RSU1: variants seen among roughly 807,000 people sequenced by gnomAD.
RSU1 encodes the protein Ras suppressor protein 1, also known as rsu-1.
A neutral mutation model predicts 31.1 loss-of-function variants in RSU1; 26 were observed. The ratio of observed to expected loss-of-function variants is 0.84; its 90% confidence interval spans 0.61 to 1.16. RSU1 has a LOEUF of 1.16. Ranked by LOEUF, RSU1 falls within the 50% of genes most tolerant of loss-of-function variation. RSU1 has a pLI of 0.00. For missense variants in RSU1, 320 were observed against 339.1 expected (o/e 0.94, Z 0.44); for synonymous variants, 164 against 136.3 (o/e 1.20, Z -1.41).
intron 7 of RSU1, among the ~76,000 whole-genome samples, chr10:16,708,312 T>C (rs1442664020): frequency 1.3e-5 from 2 of 152,076 alleles, no homozygotes; most frequent in Non-Finnish European, 2.9e-5. Flanking sequence ...AGTAAATATA[T>C]TTATTATTTA....
intron 8 of RSU1, among the ~76,000 whole-genome samples, chr10:16,647,671 A>T (rs1834597240): frequency 1.3e-5 from 2 of 152,068 alleles, no homozygotes; most frequent in Admixed American, 1.3e-4. Context: ...GGGCTGGGGG[A>T]AGAGAAGTTG....
chr10:16,753,279 G>A (rs1262425567), intron 5 of RSU1, among the ~76,000 whole-genome samples: 1 of 152,194 alleles, frequency 6.6e-6, no homozygotes, highest in Admixed American at 6.5e-5. Flanking sequence ...CACATTTTCA[G>A]AAAAGATTGC....
At chr10:16,684,968 C>A (rs1835412194) in intron 8 of RSU1, among the ~76,000 whole-genome samples, 1 of 152,078 alleles carries the variant, frequency 6.6e-6, no homozygotes, top group Admixed American at 6.6e-5. Flanking sequence ...ATTATTTAGG[C>A]CGGGTATGGT....
chr10:16,657,708 A>T (rs1834812030), intron 8 of RSU1, among the ~76,000 whole-genome samples: 1 of 152,118 alleles, frequency 6.6e-6, no homozygotes, highest in Non-Finnish European at 1.5e-5. Flanking sequence ...CTGTAATCCA[A>T]AGGGCCAGGC....
At chr10:16,750,597 C>T (rs1181324318) in intron 7 of RSU1, among the ~76,000 whole-genome samples, 1 of 152,066 alleles carries the variant, frequency 6.6e-6, no homozygotes, top group Non-Finnish European at 1.5e-5. Context: ...TAATATCCTA[C>T]GTTGCCTCAC....
chr10:16,705,488 T>G (rs778978998), intron 7 of RSU1, among the ~76,000 whole-genome samples: 1 of 152,276 alleles, frequency 6.6e-6, no homozygotes. Flanking sequence ...TTTTTCCCCA[T>G]GCATTTTATT....
At chr10:16,702,598 T>C (rs568178135) in intron 7 of RSU1, among the ~76,000 whole-genome samples, 1 of 152,358 alleles carries the variant, frequency 6.6e-6, no homozygotes, top group Non-Finnish European at 1.5e-5. Flanking sequence ...CCATGGGAGC[T>C]GTAGCCCCTT....
chr10:16,652,099 C>T (rs1018327228), intron 8 of RSU1, among the ~76,000 whole-genome samples: 4 of 151,956 alleles, frequency 2.6e-5, no homozygotes, highest in Admixed American at 2.6e-4. Context: ...TCAGAGACAA[C>T]ACTAAAATGC....
At chr10:16,803,679 CA>C (rs1364890248) in intron 2 of RSU1, among the ~76,000 whole-genome samples, 1 of 152,146 alleles carries the variant, frequency 6.6e-6, no homozygotes, top group Non-Finnish European at 1.5e-5. Context: ...TAGACCCACA[CA>C]AATATAATCA....
intron 7 of RSU1, among the ~76,000 whole-genome samples, chr10:16,719,751 T>C (rs1422826769): frequency 6.6e-6 from 1 of 152,262 alleles, no homozygotes; most frequent in Admixed American, 6.5e-5. Context: ...TCTGCATCAA[T>C]GGCTGCTATG....
chr10:16,755,226 G>T (rs1368444047), intron 4 of RSU1, among the ~76,000 whole-genome samples: 1 of 152,010 alleles, frequency 6.6e-6, no homozygotes, highest in African/African-American at 2.4e-5. Context: ...AGGCTCAAGC[G>T]ATCCTTCCAC....
At chr10:16,816,770 C>A (rs1054197454) in intron 2 of RSU1, among the ~76,000 whole-genome samples, 2 of 152,184 alleles carry the variant, frequency 1.3e-5, no homozygotes, top group Admixed American at 1.3e-4. Context: ...TGATTCTCAT[C>A]GTGGACTCTC....
At chr10:16,638,746 C>T (rs772682156) in intron 8 of RSU1, among the ~76,000 whole-genome samples, 154 of 152,248 alleles carry the variant, frequency 1.0e-3, no homozygotes, top group Non-Finnish European at 1.8e-3. Flanking sequence ...TGCGAGGAGG[C>T]CTGGCGGGAA....
At chr10:16,765,609 C>G (rs1400395850) in intron 3 of RSU1, among the ~76,000 whole-genome samples, 1 of 152,198 alleles carries the variant, frequency 6.6e-6, no homozygotes, top group Non-Finnish European at 1.5e-5. Context: ...TTTCCATAGA[C>G]TGTAATTCAT....
intron 8 of RSU1, among the ~76,000 whole-genome samples, chr10:16,686,553 T>C (rs781637167): frequency 6.6e-6 from 1 of 152,190 alleles, no homozygotes; most frequent in Non-Finnish European, 1.5e-5. Context: ...CTAGCTGATA[T>C]TTATTTTCCT....
At chr10:16,667,688 A>G (rs187725516) in intron 8 of RSU1, among the ~76,000 whole-genome samples, 1 of 152,114 alleles carries the variant, frequency 6.6e-6, no homozygotes, top group African/African-American at 2.4e-5. Context: ...GCGTTTTGCC[A>G]TGTTGGCCAG....
At chr10:16,763,961 G>A (rs1179633425) in intron 4 of RSU1, among the ~76,000 whole-genome samples, 2 of 152,176 alleles carry the variant, frequency 1.3e-5, no homozygotes, top group Admixed American at 6.5e-5. Flanking sequence ...ATAAATGAAT[G>A]AAGCATCATT....
chr10:16,638,232 T>C (rs577045490), intron 8 of RSU1, among the ~76,000 whole-genome samples: 40 of 152,090 alleles, frequency 2.6e-4, no homozygotes, highest in Non-Finnish European at 5.4e-4. Flanking sequence ...TGGACACTCA[T>C]GATGTACAAC....
intron 7 of RSU1, among the ~76,000 whole-genome samples, chr10:16,740,785 A>T (rs1011102349): frequency 1.3e-5 from 2 of 152,214 alleles, no homozygotes; most frequent in Non-Finnish European, 2.9e-5. Flanking sequence ...GAAATCTACA[A>T]AACATTACTG....
Sources: gnomAD v4.1 joint callset for allele counts (sites outside exome capture counted in the v4.1 genomes callset) on GRCh38, gnomAD v4.1.1 for gene constraint, MANE v1.5 for transcripts, NCBI Gene and HGNC (gene_info 2026-07-23, HGNC 2026-07-21) for gene names.